VPS54: variants seen among roughly 807,000 people sequenced by gnomAD.
VPS54 encodes the protein VPS54 subunit of GARP complex, also known as vacuolar protein sorting-associated protein 54.
VPS54 carries 45 observed loss-of-function variants against 121.5 expected under a neutral mutation model. The ratio of observed to expected loss-of-function variants is 0.37; its 90% confidence interval spans 0.29 to 0.47. VPS54 has a LOEUF of 0.47. Ranked by LOEUF, VPS54 falls within the 20% of genes least tolerant of loss-of-function variation. The pLI is 0.99. For missense variants in VPS54, 1,090 were observed against 1,131.4 expected, an observed-to-expected ratio of 0.96 and a Z score of 0.52; for synonymous variants, 371 against 385.8, an observed-to-expected ratio of 0.96 and a Z score of 0.45.
intron 11 of VPS54, 78 bp from the exon 12 acceptor site, chr2:63,934,091 T>C (rs878928800): frequency 1.5e-6 from 2 of 1,306,202 alleles, no homozygotes; most frequent in East Asian, 2.4e-5. Flanking sequence ...ATTCTGTGCA[T>C]GTAATTTTGG....
intron 22 of VPS54, 144 bp downstream of exon 22, chr2:63,897,352 G>GA (rs969186317): frequency 0.024 from 11,529 of 488,338 alleles, no homozygotes; most frequent in South Asian, 0.034. Flanking sequence ...TTCCACAGGG[G>GA]AAAAAAAAAA....
chr2:64,013,589 T>C (rs1483153675), intron 1 of VPS54, among the ~76,000 whole-genome samples: 2 of 146,240 alleles, frequency 1.4e-5, no homozygotes, highest in Admixed American at 6.9e-5. Context: ...TATATAAATA[T>C]ATATCAATAT....
intron 11 of VPS54, among the ~76,000 whole-genome samples, chr2:63,934,773 G>A (rs915315262): frequency 2.6e-5 from 4 of 152,154 alleles, no homozygotes; most frequent in Admixed American, 2.6e-4. Context: ...CCATGACACT[G>A]TAATCCTAAT....
rs778506770 is a variant in VPS54 at position 63,983,857 on chromosome 2, G to C, written c.136+7C>G. On this transcript the variant is annotated splice_region_variant and intron_variant, in intron 2 of 22. Transcript: ENST00000272322. ...AGTAAAAATCCTACAAAAAAAAAAA[G>C]CATTACCTGTGGGTTCCTTGGGACA... 1.9e-6 allele frequency: 3 copies of C among 1,573,134 alleles called. No homozygotes were observed. In the East Asian group the frequency reaches 6.8e-5, roughly 36 times the overall value.
At chr2:63,978,784 T>TA (rs1211446388) in intron 3 of VPS54, among the ~76,000 whole-genome samples, 1 of 152,002 alleles carries the variant, frequency 6.6e-6, no homozygotes. Context: ...CACACCCGGC[T>TA]AATTTTTGTA....
intron 15 of VPS54, among the ~76,000 whole-genome samples, chr2:63,917,479 G>C (rs527903085): frequency 6.6e-6 from 1 of 151,938 alleles, no homozygotes; most frequent in East Asian, 1.9e-4. Context: ...CAACCCAGAC[G>C]TTACTTTATT....
At position 63,998,648 on chromosome 2, in the gene VPS54, C is replaced by G. The variant is rs1273336895; in HGVS notation, c.-20-14629G>C. 1.3e-5 allele frequency among the ~76,000 whole-genome samples: 2 copies of G among 152,176 alleles called. 1 individual carries two copies. Among genetic ancestry groups the G allele is most frequent in the South Asian group, 4.1e-4 (2 of 4,828 alleles). The stretch of plus-strand genomic sequence containing the variant: ...ACTGTTTTATGCAGATAACAATTAA[C>G]ACTGCTTGTATAAATAGGCAAAAAG... On this transcript the variant is annotated intron_variant, in intron 1 of 22. Transcript: ENST00000272322.
At chr2:63,932,164 C>G (rs1261155898) in intron 12 of VPS54, among the ~76,000 whole-genome samples, 1 of 152,082 alleles carries the variant, frequency 6.6e-6, no homozygotes, top group African/African-American at 2.4e-5. Flanking sequence ...GGGCATATAC[C>G]CAAAGGATTA....
intron 20 of VPS54, 146 bp from the exon 21 acceptor site, chr2:63,899,727 C>T (rs527868716): frequency 9.0e-5 from 56 of 624,752 alleles, no homozygotes; most frequent in Admixed American, 5.6e-4. Context: ...CTGTGATCTG[C>T]GCTACTCATA....
At chr2:64,007,721 G>C (rs1678227698) in intron 1 of VPS54, among the ~76,000 whole-genome samples, 1 of 152,180 alleles carries the variant, frequency 6.6e-6, no homozygotes, top group African/African-American at 2.4e-5. Context: ...CCGAAGAAGA[G>C]AGCTAATGAA....
chr2:63,983,746 C>A (rs562385744), intron 2 of VPS54, 118 bp downstream of exon 2: 479 of 1,350,396 alleles, frequency 3.5e-4, no homozygotes, highest in Middle Eastern at 4.8e-4. Context: ...CCGGCCCCCC[C>A]AAATGATTTT....
intron 6 of VPS54, among the ~76,000 whole-genome samples, chr2:63,965,457 C>G (rs1313887617): frequency 6.6e-6 from 1 of 152,154 alleles, no homozygotes; most frequent in Non-Finnish European, 1.5e-5. Context: ...GCCTGGGCAA[C>G]AGAGCGAGAC....
chr2:63,943,727 C>CTTT (rs1553476083), intron 10 of VPS54, among the ~76,000 whole-genome samples: 1 of 129,606 alleles, frequency 7.7e-6, no homozygotes, highest in East Asian at 2.1e-4. Context: ...TTCTTTCTTT[C>CTTT]TTTTTTTTTT....
chr2:64,003,065 G>A (rs560829726), intron 1 of VPS54, among the ~76,000 whole-genome samples: 1 of 152,050 alleles, frequency 6.6e-6, no homozygotes, highest in South Asian at 2.1e-4. Flanking sequence ...TTTCAGCAAA[G>A]AAATAATCTT....
intron 20 of VPS54, among the ~76,000 whole-genome samples, chr2:63,910,137 C>T (rs926549402): frequency 1.3e-5 from 2 of 152,120 alleles, no homozygotes; most frequent in Non-Finnish European, 2.9e-5. Flanking sequence ...AAACCCAAAC[C>T]AAACACTGTC....
rs911733752 is a variant in VPS54, at chr2:63,893,410, C to T, written c.*20G>A. The stretch of plus-strand genomic sequence containing the variant: ...ACACATCCCATGGTCAGATGAACTA[C>T]CCAGTTTTCCAGGATGACATCACCT... On this transcript the variant is annotated 3_prime_UTR_variant, in exon 23 of 23. Transcript: ENST00000272322. 3.1e-6 allele frequency: 5 copies of T among 1,594,524 alleles called. No individual in the cohort carries two copies. The highest frequency in any genetic ancestry group is 4.3e-6 in the Non-Finnish European group (5 of 1,162,330).
chr2:63,896,961 A>G (rs1672467853), intron 22 of VPS54, among the ~76,000 whole-genome samples: 1 of 152,208 alleles, frequency 6.6e-6, no homozygotes, highest in Admixed American at 6.5e-5. Flanking sequence ...TAAGTGACAG[A>G]ACTAGAACTT....
chr2:63,909,413 CTTTTTTTTTTTT>C (rs5831673), intron 20 of VPS54, among the ~76,000 whole-genome samples: 3 of 69,932 alleles, frequency 4.3e-5, no homozygotes, highest in South Asian at 1.0e-3. Flanking sequence ...TATTAGCTGC[CTTTTTTTTTTTT>C]TTTTTTTTTT....
chr2:63,915,151 CAAAAAAAAA>C lies in VPS54; in HGVS notation c.2229-873_2229-865del, dbSNP rs5831674. ...GGGCAACAAGAGCAAAGCTCCGTCT[CAAAAAAAAA>C]AAAAAAAAAAAAAAAAAAGTTTTCC... On this transcript the variant is annotated intron_variant, in intron 16 of 22. Transcript: ENST00000272322. Among the ~76,000 whole-genome samples the C allele has an allele frequency of 6.7e-4, 16 of 23,850 alleles. No individual in the cohort carries two copies. In the East Asian group the frequency reaches 8.2e-3, roughly 12 times the overall value. The allele number at this position is 23,850 out of a possible 152,430, so 15.6% of individuals were successfully genotyped here. A position where few individuals can be genotyped will look rare whatever the true frequency, so the allele number is the denominator to read the frequency against.
Sources: allele counts gnomAD v4.1 joint callset (sites outside exome capture counted in the v4.1 genomes callset), GRCh38; gene constraint gnomAD v4.1.1; transcripts MANE v1.5; gene names NCBI Gene and HGNC (gene_info 2026-07-23, HGNC 2026-07-21).